The following CRTC3 variants were observed in gnomAD, a reference collection of about 807,000 sequenced individuals.
CRTC3 encodes CREB-regulated transcription coactivator 3.
In CRTC3, 26 loss-of-function variants were observed where a neutral mutation model predicts 74.5. That is an observed-to-expected ratio of 0.35 (90% CI 0.26 to 0.48). The LOEUF (loss-of-function observed/expected upper bound fraction) is 0.48, where lower values mean the gene tolerates loss of function less well. Among genes scored for constraint, CRTC3 ranks in the 20% least tolerant of loss-of-function variants. The pLI, the probability that CRTC3 is intolerant of heterozygous loss-of-function variation, is 0.99. For synonymous variants in CRTC3, 377 were observed against 325.8 expected, an observed-to-expected ratio of 1.16 and a Z score of -1.69; for missense variants, 760 against 787.3, an observed-to-expected ratio of 0.97 and a Z score of 0.41.
At chr15:90,611,809 T>C (rs1365913156) in intron 6 of CRTC3, among the ~76,000 whole-genome samples, 3 of 152,160 alleles carry the variant, frequency 2.0e-5, no homozygotes, top group Admixed American at 6.5e-5. Context: ...CTTAAGGCTT[T>C]CTCCTTTCAA....
intron 2 of CRTC3, among the ~76,000 whole-genome samples, chr15:90,563,033 T>C (rs983775386): frequency 2.6e-5 from 4 of 152,230 alleles, no homozygotes; most frequent in Non-Finnish European, 5.9e-5. Flanking sequence ...AAGAGACGCT[T>C]TCTACCAGTC....
intron 5 of CRTC3, among the ~76,000 whole-genome samples, chr15:90,606,563 G>A (rs4377136): frequency 0.23 from 34,996 of 151,542 alleles, 4,255 homozygotes; most frequent in African/African-American, 0.29. Flanking sequence ...CTCTGTCTCA[G>A]AAAAAAATAA....
intron 4 of CRTC3, 137 bp downstream of exon 4, chr15:90,602,522 CA>C: frequency 1.6e-6 from 1 of 608,224 alleles, no homozygotes; most frequent in Non-Finnish European, 2.9e-6. Context: ...CATTTAATTT[CA>C]GTGGGAGGAT....
At chr15:90,584,155 C>G (rs1967605628) in intron 2 of CRTC3, among the ~76,000 whole-genome samples, 1 of 151,474 alleles carries the variant, frequency 6.6e-6, no homozygotes, top group Non-Finnish European at 1.5e-5. Context: ...TAGCTTCAGT[C>G]TGCATATAAA....
In CRTC3 at chr15:90,642,185, A is replaced by G; in HGVS notation, c.*45A>G. On this transcript the variant is annotated 3_prime_UTR_variant, in exon 15 of 15. Coordinates refer to ENST00000268184, the MANE Select transcript of CRTC3 (RefSeq NM_022769.5). ...AAGAATGTTTTTCTGCAACAGCCAA[A>G]ATAGAATGGAATAGAATGAAGCCAG... is the stretch of plus-strand genomic sequence containing the variant. 1 of 1,507,884 alleles carries G rather than the reference A, an allele frequency of 6.6e-7. No homozygotes were observed. Among genetic ancestry groups the G allele is most frequent in the Non-Finnish European group, 9.2e-7 (1 of 1,087,078 alleles). 93.4% of individuals were successfully genotyped at this position (1,507,884 alleles called of 1,614,324 possible). A position where few individuals can be genotyped will look rare whatever the true frequency, so the allele number is the denominator to read the frequency against.
chr15:90,625,367 A>G (rs1399316218), intron 9 of CRTC3, among the ~76,000 whole-genome samples: 1 of 151,896 alleles, frequency 6.6e-6, no homozygotes, highest in African/African-American at 2.4e-5. Flanking sequence ...TTAAAAATAT[A>G]TCTTGGAAGG....
intron 2 of CRTC3, among the ~76,000 whole-genome samples, chr15:90,590,581 A>T (rs1157711615): frequency 6.6e-6 from 1 of 152,048 alleles, no homozygotes; most frequent in Non-Finnish European, 1.5e-5. Context: ...GCAGATCTCA[A>T]ATTCTTGACC....
intron 3 of CRTC3, chr15:90,596,497 TAGAC>T (rs1967930547): frequency 2.6e-5 from 4 of 152,202 alleles, no homozygotes; most frequent in South Asian, 2.1e-4. Context: ...TTAAAGTTAT[TAGAC>T]AGTATGAGTC....
rs771939772 is a variant in CRTC3 at position 90,629,511 on chromosome 15, G to A, written c.1245G>A (p.Leu415=). 11 of 1,613,862 alleles carry A rather than the reference G, an allele frequency of 6.8e-6. No homozygotes were observed. The African/African-American group carries it at 1.5e-4, about 22-fold the overall frequency. ...FSRQLSSTSP[L]APYPTSQMVS... ...GACAGCTGTCTTCAACCAGCCCACT[G>A]GCCCCATATCCTACCTCCCAGGTAA... The change falls in exon 11 of 15, where the codon CTG becomes CTA. Residue 415 remains leucine (L), a synonymous_variant. Coordinates refer to ENST00000268184, the MANE Select transcript of CRTC3 (RefSeq NM_022769.5).
chr15:90,598,999 C>T, intron 3 of CRTC3: 1 of 163,724 alleles, frequency 6.1e-6, no homozygotes, highest in Non-Finnish European at 1.3e-5. Flanking sequence ...CTTTGCCTCT[C>T]AGAGCAATGC....
intron 2 of CRTC3, among the ~76,000 whole-genome samples, chr15:90,583,579 A>G (rs1187929890): frequency 6.6e-6 from 1 of 152,188 alleles, no homozygotes; most frequent in Admixed American, 6.5e-5. Flanking sequence ...CTGAAAGTCT[A>G]ATCACTTCTG....
rs1428900643 is a variant in CRTC3 at position 90,625,940 on chromosome 15, G to C, written c.914G>C (p.Ser305Thr). The C allele has an allele frequency of 1.2e-6, 2 of 1,614,230 alleles. No individual in the cohort carries two copies. Among genetic ancestry groups the C allele is most frequent in the South Asian group, 1.1e-5 (1 of 91,086 alleles). The change falls in exon 10 of 15, where the codon AGT (serine) becomes ACT (threonine). Residue 305 changes from serine (S) to threonine (T), a missense_variant. Transcript: ENST00000268184. ...HHFGSMSVGN[S>T]VNNIPAAMTH... ...TTTGGCAGTATGAGTGTGGGGAATA[G>C]TGTGAACAACATCCCAGCTGCTATG...
chr15:90,574,205 G>C (rs1192409547), intron 2 of CRTC3, among the ~76,000 whole-genome samples: 1 of 152,118 alleles, frequency 6.6e-6, no homozygotes, highest in Admixed American at 6.6e-5. Context: ...TTGGCCGGGC[G>C]TGGTGGCTCA....
At chr15:90,631,549 G>C (rs574238083) in intron 11 of CRTC3, among the ~76,000 whole-genome samples, 1 of 151,676 alleles carries the variant, frequency 6.6e-6, no homozygotes, top group African/African-American at 2.4e-5. Context: ...TTAACATGAC[G>C]AAACCCCATC....
intron 10 of CRTC3, 113 bp downstream of exon 10, chr15:90,626,106 G>A (rs1968826626): frequency 2.4e-6 from 2 of 820,654 alleles, no homozygotes; most frequent in Admixed American, 3.6e-5. Context: ...AGTTAGAGAT[G>A]ATAATGTACC....
intron 2 of CRTC3, among the ~76,000 whole-genome samples, chr15:90,541,255 G>A (rs1966797292): frequency 6.6e-6 from 1 of 152,198 alleles, no homozygotes; most frequent in South Asian, 2.1e-4. Context: ...TTAAGATGAA[G>A]CATTAATTGA....
At chr15:90,624,651 A>G (rs6496710) in intron 9 of CRTC3, among the ~76,000 whole-genome samples, 3,056 of 152,248 alleles carry the variant, frequency 0.02, 117 homozygotes, top group African/African-American at 0.07. Context: ...CTGGTTACAC[A>G]CACCCCTTCT....
chr15:90,598,196 C>G, intron 3 of CRTC3: 1 of 516,164 alleles, frequency 1.9e-6, no homozygotes, highest in East Asian at 3.3e-5. Flanking sequence ...CAAGGCAGTT[C>G]CTGAGCCCTG....
chr15:90,574,590 G>A (rs1350195444), intron 2 of CRTC3, among the ~76,000 whole-genome samples: 1 of 152,108 alleles, frequency 6.6e-6, no homozygotes, highest in African/African-American at 2.4e-5. Flanking sequence ...AGTTGCTGGG[G>A]CACAAGCATA....
Sources: gnomAD v4.1 joint callset for allele counts (sites outside exome capture counted in the v4.1 genomes callset) on GRCh38, gnomAD v4.1.1 for gene constraint, MANE v1.5 for transcripts, NCBI Gene and HGNC (gene_info 2026-07-23, HGNC 2026-07-21) for gene names.